Variants in PPP2R2B observed in about 807,000 individuals in gnomAD.
PPP2R2B encodes the protein serine/threonine-protein phosphatase 2A 55 kDa regulatory subunit B beta isoform.
PPP2R2B carries 5 observed loss-of-function variants against 46.0 expected under a neutral mutation model. That is an observed-to-expected ratio of 0.11 (90% CI 0.06 to 0.23). The LOEUF (loss-of-function observed/expected upper bound fraction) is 0.23, where lower values mean the gene tolerates loss of function less well. Ranked by LOEUF, PPP2R2B falls within the 10% of genes least tolerant of loss-of-function variation. The pLI is 1.00. For missense variants in PPP2R2B, 367 were observed against 575.0 expected, an observed-to-expected ratio of 0.64 and a Z score of 3.70; for synonymous variants, 215 against 206.7, an observed-to-expected ratio of 1.04 and a Z score of -0.34.
Position 146,638,426 on chromosome 5 carries a change from C to G in PPP2R2B, c.626-11G>C. On this transcript the variant is annotated splice_polypyrimidine_tract_variant and intron_variant, in intron 6 of 9. Transcript: ENST00000394411. Reference sequence around the variant, plus strand: ...TAATGTCCACAATATCTGGCACAGACGAGTCAAGGAAGGAACCAGGAGAAG... The same window carrying G: ...TAATGTCCACAATATCTGGCACAGAGGAGTCAAGGAAGGAACCAGGAGAAG... 4 of 1,576,382 alleles carry G rather than the reference C, an allele frequency of 2.5e-6. No homozygotes were observed. Among genetic ancestry groups the G allele is most frequent in the Non-Finnish European group, 3.5e-6 (4 of 1,152,796 alleles).
At chr5:146,673,755 C>A (rs1278943038) in intron 5 of PPP2R2B, among the ~76,000 whole-genome samples, 1 of 152,214 alleles carries the variant, frequency 6.6e-6, no homozygotes, top group Non-Finnish European at 1.5e-5. Context: ...GAGCATGTAA[C>A]CTTTCTTAGC....
rs572162717 is a variant in PPP2R2B, at chr5:146,831,492, ATC to A, written c.70+46508_70+46509del. ...AGCCTGGGGGATAGAATGAGACTCC[ATC>A]TCTCAAAAAAAAAAAAAAAAAAAAA... On this transcript the variant is annotated intron_variant, in intron 2 of 9. Transcript: ENST00000394411. Among the ~76,000 whole-genome samples, 554 of 82,538 alleles carry A rather than the reference ATC, an allele frequency of 6.7e-3. 9 individuals are homozygous for A. The highest frequency in any genetic ancestry group is 0.021 in the African/African-American group (434 of 20,318). 54.1% of individuals were successfully genotyped at this position (82,538 alleles called of 152,430 possible). A position where few individuals can be genotyped will look rare whatever the true frequency, so the allele number is the denominator to read the frequency against.
chr5:146,949,097 G>A (rs947055123), intron 1 of PPP2R2B, among the ~76,000 whole-genome samples: 68 of 152,062 alleles, frequency 4.5e-4, no homozygotes, highest in African/African-American at 1.5e-3. Context: ...GCATGGTGAA[G>A]GTGATACATG....
intron 1 of PPP2R2B, among the ~76,000 whole-genome samples, chr5:147,007,256 A>G (rs1040733089): frequency 6.6e-6 from 1 of 152,216 alleles, no homozygotes; most frequent in Admixed American, 6.5e-5. Flanking sequence ...CCAATTCCCA[A>G]CAGCAGTTGG....
intron 1 of PPP2R2B, among the ~76,000 whole-genome samples, chr5:146,993,664 T>C (rs1753800872): frequency 6.6e-6 from 1 of 152,204 alleles, no homozygotes; most frequent in Non-Finnish European, 1.5e-5. Flanking sequence ...CTCAGCTTTC[T>C]TATTTGTAAA....
At chr5:147,069,054 T>G (rs1757496617) in intron 2 of PPP2R2B, among the ~76,000 whole-genome samples, 1 of 152,212 alleles carries the variant, frequency 6.6e-6, no homozygotes, top group South Asian at 2.1e-4. Context: ...CTTATGTTCC[T>G]TTAACTATAA....
intron 2 of PPP2R2B, among the ~76,000 whole-genome samples, chr5:146,839,337 G>A (rs930900651): frequency 1.3e-5 from 2 of 152,080 alleles, no homozygotes; most frequent in East Asian, 1.9e-4. Flanking sequence ...CCTGGGCAAC[G>A]TGGTGAAACC....
At chr5:146,818,521 A>G (rs1284408992) in intron 2 of PPP2R2B, among the ~76,000 whole-genome samples, 6 of 152,196 alleles carry the variant, frequency 3.9e-5, no homozygotes, top group Admixed American at 3.3e-4. Context: ...TTGAAAACAT[A>G]TTGAAGAAAC....
In PPP2R2B at chr5:146,878,161, C is replaced by A. The variant is rs764025509; in HGVS notation, c.-90G>T. 1.7e-5 allele frequency: 28 copies of A among 1,604,348 alleles called. No homozygotes were observed. The East Asian group carries it at 6.1e-4, about 35-fold the overall frequency. ...CAGCCAGTCTCACAGGAGAGGGGGG[C>A]AGGGGAGCCAGTGGGACTGCACCAT... On this transcript the variant is annotated 5_prime_UTR_variant, in exon 2 of 10. Coordinates refer to ENST00000394411, the MANE Select transcript of PPP2R2B (RefSeq NM_181675.4). The surrounding 1 kb of genome is among the most constrained non-coding windows in gnomAD (Gnocchi z 4.5).
intron 6 of PPP2R2B, among the ~76,000 whole-genome samples, chr5:146,649,756 T>G (rs1297748699): frequency 6.6e-6 from 1 of 152,200 alleles, no homozygotes; most frequent in Non-Finnish European, 1.5e-5. Context: ...AGCCGACTTT[T>G]CTATATTTTA....
chr5:146,646,870 T>C (rs1775617336), intron 6 of PPP2R2B, among the ~76,000 whole-genome samples: 1 of 152,164 alleles, frequency 6.6e-6, no homozygotes, highest in Non-Finnish European at 1.5e-5. Flanking sequence ...TGTGTGTGTG[T>C]TTAATTTTCA....
intron 2 of PPP2R2B, among the ~76,000 whole-genome samples, chr5:146,750,201 A>G (rs114550814): frequency 0.017 from 2,565 of 152,338 alleles, 45 homozygotes; most frequent in Non-Finnish European, 0.022. Context: ...TACTATAGCC[A>G]TATAATAAAT....
chr5:146,980,613 T>C (rs1037233527), intron 1 of PPP2R2B, among the ~76,000 whole-genome samples: 25 of 152,200 alleles, frequency 1.6e-4, no homozygotes, highest in Non-Finnish European at 3.1e-4. Context: ...TGGAACTAGA[T>C]GGGCTGGGAA....
At chr5:146,661,745 G>A (rs1268215973) in intron 5 of PPP2R2B, among the ~76,000 whole-genome samples, 1 of 152,108 alleles carries the variant, frequency 6.6e-6, no homozygotes, top group Non-Finnish European at 1.5e-5. Context: ...GCAGAAACCT[G>A]TAATTCTGCC....
chr5:146,980,097 G>T (rs114201187), intron 1 of PPP2R2B, among the ~76,000 whole-genome samples: 2,191 of 152,088 alleles, frequency 0.014, 44 homozygotes, highest in African/African-American at 0.05. Flanking sequence ...TATATTTATT[G>T]TTATGGAGAG....
chr5:146,817,152 T>C (rs1757978168), intron 2 of PPP2R2B, among the ~76,000 whole-genome samples: 1 of 152,162 alleles, frequency 6.6e-6, no homozygotes, highest in Non-Finnish European at 1.5e-5. Flanking sequence ...ATTTGGCCCA[T>C]CATCTAGAGT....
chr5:146,617,480 T>C (rs904188629), intron 7 of PPP2R2B, among the ~76,000 whole-genome samples: 3 of 152,154 alleles, frequency 2.0e-5, no homozygotes, highest in African/African-American at 7.2e-5. Flanking sequence ...CTCATAAATA[T>C]ATACACCTCT....
At chr5:146,945,162 C>G (rs1278974606) in intron 1 of PPP2R2B, among the ~76,000 whole-genome samples, 3 of 152,152 alleles carry the variant, frequency 2.0e-5, no homozygotes, top group Non-Finnish European at 4.4e-5. Context: ...TTCCTACACA[C>G]TATACTATCT....
At chr5:146,593,923 A>G (rs1350899002) in intron 8 of PPP2R2B, among the ~76,000 whole-genome samples, 1 of 152,170 alleles carries the variant, frequency 6.6e-6, no homozygotes, top group Non-Finnish European at 1.5e-5. Context: ...TTATAACCTG[A>G]GTGATAGATT....
Sources: allele counts gnomAD v4.1 joint callset (sites outside exome capture counted in the v4.1 genomes callset), GRCh38; gene constraint gnomAD v4.1.1; non-coding constraint Gnocchi (gnomAD v3.1); transcripts MANE v1.5; gene names NCBI Gene and HGNC (gene_info 2026-07-23, HGNC 2026-07-21).